The following KMT2C variants were observed in gnomAD, a reference collection of about 807,000 sequenced individuals.
KMT2C encodes lysine methyltransferase 2C, also known as histone-lysine N-methyltransferase 2C.
KMT2C carries 88 observed loss-of-function variants against 507.9 expected under a neutral mutation model. The ratio of observed to expected loss-of-function variants is 0.17; its 90% CI spans 0.15 to 0.21. The LOEUF (loss-of-function observed/expected upper bound fraction) is 0.21. KMT2C is among the 10% of genes least tolerant of loss of function. KMT2C has a pLI of 1.00. For synonymous variants in KMT2C, 2,049 were observed against 2,080.8 expected (o/e 0.98, Z 0.42); for missense variants, 4,954 against 5,957.8 (o/e 0.83, Z 5.55).
chr7:152,174,057 G>GT, intron 39 of KMT2C, 74 bp downstream of exon 39: 1 of 808,316 alleles, frequency 1.2e-6, no homozygotes, highest in Non-Finnish European at 2.0e-6. Context: ...TTTTCTGTAT[G>GT]TTTTTTCTAA....
At chr7:152,389,210 A>C (rs927590708) in intron 1 of KMT2C, among the ~76,000 whole-genome samples, 3 of 152,048 alleles carry the variant, frequency 2.0e-5, no homozygotes, top group African/African-American at 7.2e-5. Flanking sequence ...TTTTAAATTA[A>C]AAGAAATTAA....
At chr7:152,231,339 G>A (rs551719769) in intron 16 of KMT2C, among the ~76,000 whole-genome samples, 2 of 152,296 alleles carry the variant, frequency 1.3e-5, no homozygotes, top group African/African-American at 4.8e-5. Context: ...AGAAGACAAG[G>A]AGGGCATTGC....
intron 23 of KMT2C, among the ~76,000 whole-genome samples, chr7:152,215,704 C>G (rs940858481): frequency 7.4e-6 from 1 of 134,994 alleles, no homozygotes; most frequent in African/African-American, 3.4e-5. Flanking sequence ...CACACATACA[C>G]ACACAAAATA....
intron 2 of KMT2C, among the ~76,000 whole-genome samples, chr7:152,338,253 C>A (rs1402250888): frequency 6.6e-6 from 1 of 152,024 alleles, no homozygotes; most frequent in Non-Finnish European, 1.5e-5. Flanking sequence ...TTATTTAGCC[C>A]CCTCCGATCT....
rs769381866 is a variant in KMT2C, at chr7:152,297,055, C to CAGAGAGAGAG, written c.849+12901_849+12910dup. On this transcript the variant is annotated intron_variant, in intron 6 of 58. Coordinates refer to ENST00000262189, the MANE Select transcript of KMT2C (RefSeq NM_170606.3). ...AAAGAAAGAAAGAAAGAAAGAAAGA[C>CAGAGAGAGAG]AGAGAGAGAGAGAGAGAGAGAGAGA... 2.6e-3 allele frequency among the ~76,000 whole-genome samples: 219 copies of CAGAGAGAGAG among 84,408 alleles called. 3 individuals carry two copies. Among genetic ancestry groups the CAGAGAGAGAG allele is most frequent in the South Asian group, 5.0e-3 (11 of 2,210 alleles). 55.4% of individuals were successfully genotyped at this position (84,408 alleles called of 152,430 possible). A position where few individuals can be genotyped will look rare whatever the true frequency, so the allele number is the denominator to read the frequency against.
At chr7:152,193,001 C>G (rs972555517) in intron 31 of KMT2C, among the ~76,000 whole-genome samples, 4 of 152,014 alleles carry the variant, frequency 2.6e-5, no homozygotes, top group African/African-American at 9.7e-5. Flanking sequence ...AAGTGAGACC[C>G]CCACCTCTGC....
In KMT2C at chr7:152,180,855, A is replaced by C. The variant is rs2129119238; in HGVS notation, c.7005T>G (p.Cys2335Trp). The C allele has an allele frequency of 6.2e-7, 1 of 1,614,214 alleles. No homozygotes were observed. The highest frequency in any genetic ancestry group is 8.5e-7 in the Non-Finnish European group (1 of 1,180,026). Residue 2335 changes from cysteine (C) to tryptophan (W), a missense_variant, in exon 36 of 59, where the codon TGT becomes TGG. By Grantham distance (215) the Cys-to-Trp change is radical (BLOSUM62 -2). This residue lies in a region of KMT2C where 1,689 missense variants were observed against 1,654.3 expected (regional missense o/e 1.02). Transcript: ENST00000262189. The part of the protein sequence containing the change: ...QPRPGSEGSF[C>W]ASSNSPMHSQ... ...AGTGCATTGGAGAGTTTGAAGATGC[A>C]CAGAAGCTCCCCTCTGATCCAGGCC...
At chr7:152,380,785 A>G (rs893722697) in intron 1 of KMT2C, among the ~76,000 whole-genome samples, 8 of 141,868 alleles carry the variant, frequency 5.6e-5, no homozygotes, top group Non-Finnish European at 1.3e-4. Context: ...AAAATGGGAA[A>G]AAGATGAGAG....
Position 152,219,291 on chromosome 7 carries a change from A to G in KMT2C, c.3712+1232T>C, listed in dbSNP as rs376958169. 3.3e-5 allele frequency among the ~76,000 whole-genome samples: 5 copies of G among 152,142 alleles called. No individual in the cohort carries two copies. The East Asian group carries it at 9.7e-4, about 29-fold the overall frequency. On this transcript the variant is annotated intron_variant, in intron 23 of 58. Coordinates refer to ENST00000262189, the MANE Select transcript of KMT2C (RefSeq NM_170606.3). ...GGCCAGGCAATTCTTATCAAACTTT[A>G]TTTTTACCATGGGACTTGCCAAACA...
At chr7:152,222,275 A>G (rs1380490748) in intron 21 of KMT2C, among the ~76,000 whole-genome samples, 1 of 152,238 alleles carries the variant, frequency 6.6e-6, no homozygotes, top group East Asian at 1.9e-4. Context: ...CTGGCTAAGA[A>G]ACAATCAACA....
At chr7:152,363,871 A>C (rs1403835428) in intron 1 of KMT2C, among the ~76,000 whole-genome samples, 2 of 152,230 alleles carry the variant, frequency 1.3e-5, no homozygotes, top group Non-Finnish European at 2.9e-5. Flanking sequence ...ACTTCCAGGG[A>C]GAGAGCAATT....
At chr7:152,199,214 T>C (rs2094056650) in intron 27 of KMT2C, 65 bp downstream of exon 27, 1 of 1,318,594 alleles carries the variant, frequency 7.6e-7, no homozygotes, top group Non-Finnish European at 1.0e-6. Flanking sequence ...TTCAAAAAGA[T>C]TTAACTGAAA....
chr7:152,403,642 C>T (rs983728668), intron 1 of KMT2C, among the ~76,000 whole-genome samples: 139 of 136,238 alleles, frequency 1.0e-3, no homozygotes, highest in African/African-American at 1.4e-3. Flanking sequence ...CAGCAACACT[C>T]ACAATAGCAA....
At chr7:152,244,423 G>C (rs192529045) in intron 14 of KMT2C, among the ~76,000 whole-genome samples, 11 of 152,234 alleles carry the variant, frequency 7.2e-5, no homozygotes, top group Admixed American at 5.9e-4. Context: ...GCTCACACCT[G>C]TAATCCCAGC....
intron 6 of KMT2C, among the ~76,000 whole-genome samples, chr7:152,280,701 C>A (rs569161943): frequency 6.6e-6 from 1 of 152,290 alleles, no homozygotes; most frequent in East Asian, 1.9e-4. Context: ...CACAGGTGAG[C>A]CTACCCTGAG....
At position 152,156,004 on chromosome 7, in the gene KMT2C, C is replaced by T. The variant is rs2129099660; in HGVS notation, c.11866G>A (p.Asp3956Asn). The T allele has an allele frequency of 6.2e-6, 10 of 1,607,230 alleles. No individual in the cohort carries two copies. The highest frequency in any genetic ancestry group is 7.6e-6 in the Non-Finnish European group (9 of 1,178,524). Residue 3956 changes from aspartate to asparagine, a missense_variant, in exon 46 of 59, where the codon GAC (aspartate) becomes AAC (asparagine). Transcript: ENST00000262189. ...PFQLPFRPQD[D>N]LLARALAQGP... ...TGAGCAAGAGCTCGGGCCAACAAGT[C>T]GTCCTGGGGTCTGAAGGGCAGCTGA...
chr7:152,366,704 C>G (rs1373812229), intron 1 of KMT2C: 1 of 163,536 alleles, frequency 6.1e-6, no homozygotes, highest in African/African-American at 2.4e-5. Flanking sequence ...TCTCACATCA[C>G]TAAAATGTAC....
Position 152,411,936 on chromosome 7 carries a change from A to G in KMT2C, c.161+23690T>C, listed in dbSNP as rs530759305. ...GTCAAAACTGAAATATTAACCAACT[A>G]AAATGATCTTCATTCTTTGGTCAAT... On this transcript the variant is annotated intron_variant, in intron 1 of 58. Transcript: ENST00000262189. Among the ~76,000 whole-genome samples the G allele has an allele frequency of 6.6e-4, 100 of 152,328 alleles. No homozygotes were observed. In the East Asian group the frequency reaches 0.017, roughly 25 times the overall value.
chr7:152,147,995 T>C (rs770838626), intron 52 of KMT2C, 38 bp downstream of exon 52: 24 of 1,503,618 alleles, frequency 1.6e-5, no homozygotes, highest in Non-Finnish European at 2.0e-5. Flanking sequence ...GACATCAGAG[T>C]AAGTAGCACT....
Sources: gnomAD v4.1 joint callset for allele counts (sites outside exome capture counted in the v4.1 genomes callset) on GRCh38, gnomAD v4.1.1 for gene constraint, gnomAD v4.1.1 regional missense constraint, MANE v1.5 for transcripts, NCBI Gene and HGNC (gene_info 2026-07-23, HGNC 2026-07-21) for gene names.